Variants in BLTP1 observed in about 807,000 individuals in gnomAD.
BLTP1 encodes the protein bridge-like lipid transfer protein family member 1.
At chr4:122,183,260 A>G in the BLTP1 span, 6 of 489,786 alleles carry the variant, frequency 1.2e-5, no homozygotes, top group African/African-American at 1.3e-4. Context: ...CACTTGAGCC[A>G]TGGAGATTGA....
At chr4:122,156,299 T>A in the BLTP1 span, among the ~76,000 whole-genome samples, 3 of 152,080 alleles carry the variant, frequency 2.0e-5, no homozygotes, top group Non-Finnish European at 1.5e-5. Context: ...CAGGAAAATG[T>A]AGAGTGAAAA....
At chr4:122,292,227 C>A in the BLTP1 span, 1 of 471,338 alleles carries the variant, frequency 2.1e-6, no homozygotes, top group East Asian at 1.6e-4. Context: ...CCTTGGCTTC[C>A]AAAGTGCTGG....
the BLTP1 span, chr4:122,308,011 T>C: frequency 1.2e-5 from 19 of 1,613,340 alleles, no homozygotes; most frequent in South Asian, 1.9e-4. Flanking sequence ...ACGAATGGCT[T>C]TACATAAGGA....
chr4:122,182,905 A>G, the BLTP1 span: 6 of 985,164 alleles, frequency 6.1e-6, no homozygotes, highest in Middle Eastern at 5.2e-4. Context: ...AAAGATTTTT[A>G]TCAAAAACCA....
At chr4:122,353,152 G>C in the BLTP1 span, 1 of 1,612,572 alleles carries the variant, frequency 6.2e-7, no homozygotes, top group Non-Finnish European at 8.5e-7. The surrounding 1 kb of genome is among the most constrained non-coding windows in gnomAD (Gnocchi z 4.3). Context: ...AATCTGGGAA[G>C]ATGGTAAACT....
chr4:122,276,032 A>G, the BLTP1 span: 4 of 1,576,876 alleles, frequency 2.5e-6, no homozygotes, highest in Non-Finnish European at 3.4e-6. Context: ...TGTATGTCAT[A>G]TTATTCTTTT....
chr4:122,227,622 A>G, the BLTP1 span: 1 of 259,194 alleles, frequency 3.9e-6, no homozygotes, highest in African/African-American at 2.3e-5. Context: ...TCTGCTATAC[A>G]AATTATATTT....
the BLTP1 span, chr4:122,190,099 T>C: frequency 6.2e-7 from 1 of 1,612,030 alleles, no homozygotes; most frequent in Non-Finnish European, 8.5e-7. Context: ...TTGTTGTTGT[T>C]GCTGTTTTTT....
chr4:122,154,393 G>A, the BLTP1 span: 1 of 984,628 alleles, frequency 1.0e-6, no homozygotes, highest in Non-Finnish European at 1.2e-6. Flanking sequence ...GATATGTAAT[G>A]TAACCTGTTA....
At chr4:122,339,098 G>A in the BLTP1 span, 1 of 1,288,266 alleles carries the variant, frequency 7.8e-7, no homozygotes, top group African/African-American at 1.5e-5. Flanking sequence ...ATTTCTTTCT[G>A]TTTAAAAAAA....
At chr4:122,229,860 A>G in the BLTP1 span, 3 of 1,495,200 alleles carry the variant, frequency 2.0e-6, no homozygotes, top group Admixed American at 4.2e-5. Context: ...TCACCTATTC[A>G]GTAGTTTTGG....
the BLTP1 span, among the ~76,000 whole-genome samples, chr4:122,244,386 T>C: frequency 6.6e-6 from 1 of 152,130 alleles, no homozygotes; most frequent in East Asian, 1.9e-4. Context: ...CCTTCTGTAT[T>C]GGTGGGTTCT....
chr4:122,289,447 AAAG>A, the BLTP1 span: 1 of 962,868 alleles, frequency 1.0e-6, no homozygotes. Context: ...TGAAAAAAGA[AAAG>A]CTTACAGTAT....
At chr4:122,291,965 A>G in the BLTP1 span, 3 of 169,304 alleles carry the variant, frequency 1.8e-5, no homozygotes, top group Admixed American at 6.9e-5. Flanking sequence ...TGCATCAAAC[A>G]GTTTTTTTTT....
the BLTP1 span, chr4:122,359,202 C>T: frequency 2.6e-6 from 1 of 385,006 alleles, no homozygotes; most frequent in South Asian, 1.1e-4. Context: ...CTAACCTGCA[C>T]ATTGTGCACA....
At chr4:122,259,272 A>T in the BLTP1 span, among the ~76,000 whole-genome samples, 1 of 152,188 alleles carries the variant, frequency 6.6e-6, no homozygotes, top group Non-Finnish European at 1.5e-5. Context: ...TGGTTAGAGT[A>T]CCACCTTGCA....
the BLTP1 span, chr4:122,266,714 C>T: frequency 0.39 from 530,336 of 1,359,304 alleles, 105,336 homozygotes; most frequent in Middle Eastern, 0.56. Flanking sequence ...GCTGCATTTT[C>T]CTACATGTAA....
At chr4:122,246,704 G>A in the BLTP1 span, 25 of 1,612,422 alleles carry the variant, frequency 1.6e-5, no homozygotes, top group South Asian at 3.3e-5. Context: ...TTTGTTACAA[G>A]CCTCAGTGGA....
At chr4:122,330,153 C>T in the BLTP1 span, among the ~76,000 whole-genome samples, 358 of 151,908 alleles carry the variant, frequency 2.4e-3, 2 homozygotes, top group African/African-American at 8.3e-3. Context: ...GTTGTTTCTA[C>T]ATCTTGGCTG....
Sources: allele counts gnomAD v4.1 joint callset (sites outside exome capture counted in the v4.1 genomes callset), GRCh38; gene constraint gnomAD v4.1.1; non-coding constraint Gnocchi (gnomAD v3.1); transcripts MANE v1.5; gene names NCBI Gene and HGNC (gene_info 2026-07-23, HGNC 2026-07-21).